MCPH1: variants seen among roughly 807,000 people sequenced by gnomAD.
The protein encoded by MCPH1 is microcephalin 1, also known as microcephalin.
Under a neutral mutation model 84.5 loss-of-function variants are expected in MCPH1, and 104 were observed. That is an observed-to-expected ratio of 1.23 (90% CI 1.05 to 1.45). MCPH1 has a LOEUF of 1.45. Among genes scored for constraint, MCPH1 ranks in the 40% most tolerant of loss-of-function variants. The probability of loss-of-function intolerance (pLI) is 0.00; values close to 1 mark genes in which losing one functional copy is unlikely to be tolerated. For synonymous variants in MCPH1, 514 were observed against 366.8 expected, an observed-to-expected ratio of 1.40 and a Z score of -4.58; for missense variants, 1,498 against 1,005.7, an observed-to-expected ratio of 1.49 and a Z score of -6.62.
At chr8:6,551,365 G>A (rs1052459094) in intron 12 of MCPH1, among the ~76,000 whole-genome samples, 1 of 151,440 alleles carries the variant, frequency 6.6e-6, no homozygotes, top group Admixed American at 6.6e-5. Context: ...TTCATGGCAC[G>A]GGACAGGCCA....
rs1478755040 is a variant in MCPH1 at position 6,644,339 on chromosome 8, C to T, written c.*1290C>T. The T allele has an allele frequency of 6.6e-6, 1 of 152,106 alleles. No individual in the cohort carries two copies. Among genetic ancestry groups the T allele is most frequent in the Admixed American group, 6.5e-5 (1 of 15,268 alleles). 9.4% of individuals were successfully genotyped at this position (152,106 alleles called of 1,614,324 possible). On this transcript the variant is annotated 3_prime_UTR_variant, in exon 14 of 14. Transcript: ENST00000344683. The stretch of plus-strand genomic sequence containing the variant: ...TAAAGAAATGAAATGCTAGGAAGTC[C>T]TAGCCAGAGTGATCAGGCAAGAATA...
At chr8:6,414,940 G>C in intron 3 of MCPH1, 57 bp downstream of exon 3, 7 of 1,573,586 alleles carry the variant, frequency 4.4e-6, no homozygotes, top group Non-Finnish European at 6.1e-6. Context: ...AAAATGTGTG[G>C]AGATATTTTT....
intron 12 of MCPH1, among the ~76,000 whole-genome samples, chr8:6,545,683 T>C (rs1430550573): frequency 6.6e-6 from 1 of 152,206 alleles, no homozygotes; most frequent in Non-Finnish European, 1.5e-5. Context: ...GTGGTTCCCA[T>C]TAGTCTAAAA....
intron 13 of MCPH1, among the ~76,000 whole-genome samples, chr8:6,630,164 G>T (rs1197254631): frequency 6.6e-6 from 1 of 152,158 alleles, no homozygotes; most frequent in Non-Finnish European, 1.5e-5. Flanking sequence ...TAGCAAAATG[G>T]CAGCAAGGCA....
At chr8:6,532,038 G>T (rs982601558) in intron 12 of MCPH1, among the ~76,000 whole-genome samples, 2 of 152,210 alleles carry the variant, frequency 1.3e-5, no homozygotes, top group African/African-American at 4.8e-5. Context: ...GCACCAGGGA[G>T]ACAGAGGGGG....
intron 12 of MCPH1, among the ~76,000 whole-genome samples, chr8:6,524,178 A>G (rs553905045): frequency 6.6e-6 from 1 of 152,324 alleles, no homozygotes; most frequent in Non-Finnish European, 1.5e-5. Context: ...TTTGTTTTAA[A>G]GGAAGGGGAC....
chr8:6,622,660 G>T (rs575507597), intron 13 of MCPH1, among the ~76,000 whole-genome samples: 8 of 152,182 alleles, frequency 5.3e-5, no homozygotes, highest in Non-Finnish European at 1.2e-4. Context: ...TATCGGCAGC[G>T]TTGGTTTCCC....
chr8:6,555,009 G>A (rs962420022), intron 12 of MCPH1, among the ~76,000 whole-genome samples: 1 of 152,096 alleles, frequency 6.6e-6, no homozygotes, highest in African/African-American at 2.4e-5. Flanking sequence ...TCCAGGCAGT[G>A]GTAGGCAGAG....
chr8:6,444,396 A>C lies in MCPH1; in HGVS notation c.674A>C (p.Glu225Ala). The change falls in exon 8 of 14, where the codon GAA (glutamate) becomes GCA (alanine). Residue 225 changes from glutamate (E) to alanine (A), a missense_variant. Coordinates refer to ENST00000344683, the MANE Select transcript of MCPH1 (RefSeq NM_024596.5). ...GCTCTCCGTTAATGTTTTCCAGATG[A>C]ATACTTTGCTGGTGGCTTACACTCA... ...NISRDTLCSD[E>A]YFAGGLHSSF... The C allele has an allele frequency of 6.2e-7, 1 of 1,614,122 alleles. No individual in the cohort carries two copies. Among genetic ancestry groups the C allele is most frequent in the Non-Finnish European group, 8.5e-7 (1 of 1,180,018 alleles).
intron 8 of MCPH1, among the ~76,000 whole-genome samples, chr8:6,451,825 G>T (rs922266559): frequency 1.3e-5 from 2 of 152,142 alleles, no homozygotes; most frequent in Admixed American, 1.3e-4. Context: ...AATGTTAAGT[G>T]TATATTTTTA....
At chr8:6,482,823 C>T (rs1586036741) in intron 11 of MCPH1, among the ~76,000 whole-genome samples, 1 of 152,200 alleles carries the variant, frequency 6.6e-6, no homozygotes, top group Non-Finnish European at 1.5e-5. Context: ...GGCATTAAAA[C>T]ACATTATTTA....
At chr8:6,552,277 T>G (rs1028833178) in intron 12 of MCPH1, among the ~76,000 whole-genome samples, 1 of 152,152 alleles carries the variant, frequency 6.6e-6, no homozygotes, top group Non-Finnish European at 1.5e-5. Flanking sequence ...CCTGAAGGGA[T>G]GAAATTACAT....
In MCPH1 at chr8:6,410,168, G is replaced by T. The variant is rs187883700; in HGVS notation, c.114+798G>T. ...TTTTTGTATTTTTAGTAAAGACGGG[G>T]TTTCACCATGTTGGCCAGGATGGTC... On this transcript the variant is annotated intron_variant, in intron 2 of 13. Coordinates refer to ENST00000344683, the MANE Select transcript of MCPH1 (RefSeq NM_024596.5). Among the ~76,000 whole-genome samples, 5 of 151,802 alleles carry T rather than the reference G, an allele frequency of 3.3e-5. No homozygotes were observed. In the East Asian group the frequency reaches 9.7e-4, roughly 29 times the overall value.
intron 8 of MCPH1, among the ~76,000 whole-genome samples, chr8:6,454,019 G>A (rs1489459250): frequency 1.3e-5 from 2 of 152,206 alleles, no homozygotes; most frequent in African/African-American, 4.8e-5. Flanking sequence ...TTTTCACTGA[G>A]ATAGGACCCT....
chr8:6,631,106 A>T (rs1199580271), intron 13 of MCPH1, among the ~76,000 whole-genome samples: 1 of 152,230 alleles, frequency 6.6e-6, no homozygotes, highest in Admixed American at 6.5e-5. Flanking sequence ...AGCCCGCAGG[A>T]AAGTTTTGTG....
At chr8:6,540,029 C>T (rs911535547) in intron 12 of MCPH1, among the ~76,000 whole-genome samples, 5 of 152,182 alleles carry the variant, frequency 3.3e-5, no homozygotes, top group Non-Finnish European at 7.3e-5. Context: ...TTGTGGGCCT[C>T]AGCTGGTGGC....
chr8:6,622,941 A>G (rs552170294), intron 13 of MCPH1, among the ~76,000 whole-genome samples: 6 of 151,924 alleles, frequency 3.9e-5, no homozygotes, highest in African/African-American at 1.4e-4. Context: ...CTCTGGCTGA[A>G]GTGATTCTCC....
intron 12 of MCPH1, among the ~76,000 whole-genome samples, chr8:6,522,171 C>T (rs1250228625): frequency 6.6e-6 from 1 of 151,860 alleles, no homozygotes; most frequent in Non-Finnish European, 1.5e-5. Context: ...CTGGCTAACA[C>T]GGTGAAACCC....
In MCPH1 at chr8:6,632,704, G is replaced by A. The variant is rs190184309; in HGVS notation, c.2453-10290G>A. ...CGTGCCTGTAGTCCCAGCTACTCGG[G>A]AGGCTGAGGCAGGAGAATCACTTAA... On this transcript the variant is annotated intron_variant, in intron 13 of 13. Coordinates refer to ENST00000344683, the MANE Select transcript of MCPH1 (RefSeq NM_024596.5). Among the ~76,000 whole-genome samples, 116 of 152,282 alleles carry A rather than the reference G, an allele frequency of 7.6e-4. 1 individual carries two copies. The highest frequency in any genetic ancestry group is 1.5e-3 in the Non-Finnish European group (101 of 68,022).
Sources: gnomAD v4.1 joint callset for allele counts (sites outside exome capture counted in the v4.1 genomes callset) on GRCh38, gnomAD v4.1.1 for gene constraint, MANE v1.5 for transcripts, NCBI Gene and HGNC (gene_info 2026-07-23, HGNC 2026-07-21) for gene names.